F7: variants seen among roughly 807,000 people sequenced by gnomAD.
F7 encodes coagulation factor VII.
Under a neutral mutation model 47.5 loss-of-function variants are expected in F7, and 38 were observed. The ratio of observed to expected loss-of-function variants is 0.80; its 90% CI spans 0.62 to 1.05. The LOEUF is 1.05. Among genes scored for constraint, F7 ranks in the 50% least tolerant of loss-of-function variants. F7 has a pLI of 0.00. For missense variants in F7, 575 were observed against 605.4 expected, an observed-to-expected ratio of 0.95 and a Z score of 0.53; for synonymous variants, 244 against 258.5, an observed-to-expected ratio of 0.94 and a Z score of 0.54.
chr13:113,116,787 T>C lies in F7; in HGVS notation c.527T>C (p.Ile176Thr), dbSNP rs762621913. The C allele has an allele frequency of 1.2e-6, 2 of 1,613,790 alleles. No homozygotes were observed. Among genetic ancestry groups the C allele is most frequent in the South Asian group, 2.2e-5 (2 of 91,080 alleles). Reference sequence around the variant, plus strand: ...ACAGTTGAATATCCATGTGGAAAAATACCTATTCTAGAAAAAAGAAATGCC... The same window carrying C: ...ACAGTTGAATATCCATGTGGAAAAACACCTATTCTAGAAAAAAGAAATGCC... ...TPTVEYPCGK[I>T]PILEKRNASK... is the part of the protein sequence containing the mutation. Residue 176 changes from isoleucine to threonine, a missense_variant, in exon 6 of 8, where the codon ATA becomes ACA. Ile to Thr is a moderately conservative substitution (Grantham distance 89, BLOSUM62 -1). Coordinates refer to ENST00000346342, the MANE Select transcript of F7 (RefSeq NM_019616.4).
chr13:113,115,639 G>A (rs1160335558), intron 4 of F7, 21 bp from the exon 5 acceptor site: 1 of 1,611,204 alleles, frequency 6.2e-7, no homozygotes, highest in African/African-American at 1.3e-5. Context: ...CCCTCTCAGG[G>A]TGTCCCCTTC....
Position 113,119,211 on chromosome 13 carries a change from CTCAAAGAGACTCCAAGAT to C in F7, c.*215_*232del. On this transcript the variant is annotated 3_prime_UTR_variant, in exon 8 of 8. Transcript: ENST00000346342. Reference sequence around the variant, plus strand: ...GAGACTCTGAGGACATGGAGAGAGACTCAAAGAGACTCCAAGATTCAAAGAGACTAATAGAGACACAGA... The same window carrying C: ...GAGACTCTGAGGACATGGAGAGAGACTCAAAGAGACTAATAGAGACACAGA... The C allele has an allele frequency of 1.7e-6, 1 of 600,246 alleles. No individual in the cohort carries two copies. Among genetic ancestry groups the C allele is most frequent in the Non-Finnish European group, 3.0e-6 (1 of 338,880 alleles). 37.2% of individuals were successfully genotyped at this position (600,246 alleles called of 1,614,324 possible).
rs764010176 is a variant in F7, at chr13:113,106,877, C to T, written c.64+972C>T. The T allele has an allele frequency of 1.3e-5, 21 of 1,606,634 alleles. No homozygotes were observed. Among genetic ancestry groups the T allele is most frequent in the African/African-American group, 6.7e-5 (5 of 74,740 alleles). ...CGCTAAGGCCTCAGGAGGAGAAACA[C>T]GGGACATGCCGTGGAAGCCGGGGCC... On this transcript the variant is annotated intron_variant, in intron 1 of 7. Transcript: ENST00000346342.
intron 5 of F7, 39 bp from the exon 6 acceptor site, chr13:113,116,727 C>T: frequency 6.8e-7 from 1 of 1,476,534 alleles, no homozygotes; most frequent in Middle Eastern, 1.7e-4. Flanking sequence ...GTTCATCCCT[C>T]ACAAATCTCT....
chr13:113,109,257 T>TG (rs917323856), intron 1 of F7, among the ~76,000 whole-genome samples: 1 of 150,158 alleles, frequency 6.7e-6, no homozygotes, highest in Non-Finnish European at 1.5e-5. Flanking sequence ...GGGTCGTGGG[T>TG]GTCCCGGGAG....
At chr13:113,114,689 T>G (rs2036163203) in intron 4 of F7, 1 of 154,524 alleles carries the variant, frequency 6.5e-6, no homozygotes. Flanking sequence ...CTGACCTCAG[T>G]CTCAGCCCCT....
rs975129039 is a variant in F7 at position 113,119,172 on chromosome 13, G to C, written c.*164G>C. ...AGAAACAGAGAGAGACAGAGACAGA[G>C]AGAGACTGAGGGAGAGACTCTGAGG... On this transcript the variant is annotated 3_prime_UTR_variant, in exon 8 of 8. Coordinates refer to ENST00000346342, the MANE Select transcript of F7 (RefSeq NM_019616.4). 13 of 673,380 alleles carry C rather than the reference G, an allele frequency of 1.9e-5. No individual in the cohort carries two copies. Among genetic ancestry groups the C allele is most frequent in the East Asian group, 2.7e-5 (1 of 36,684 alleles). The allele number at this position is 673,380 out of a possible 1,614,324, so 41.7% of individuals were successfully genotyped here.
chr13:113,119,087 C>A lies in F7; in HGVS notation c.*79C>A. The A allele has an allele frequency of 1.8e-6, 2 of 1,134,466 alleles. No individual in the cohort carries two copies. The highest frequency in any genetic ancestry group is 2.5e-6 in the Non-Finnish European group (2 of 799,852). The allele number at this position is 1,134,466 out of a possible 1,614,324, so 70.3% of individuals were successfully genotyped here. ...GCACCAAATCCCATATATTCTTCTG[C>A]AGTTAATGGGGTAGAGGAGGGCATG... is the stretch of plus-strand genomic sequence containing the variant. On this transcript the variant is annotated 3_prime_UTR_variant, in exon 8 of 8. Coordinates refer to ENST00000346342, the MANE Select transcript of F7 (RefSeq NM_019616.4).
chr13:113,106,108 G>A (rs1487551525), intron 1 of F7, among the ~76,000 whole-genome samples: 1 of 150,396 alleles, frequency 6.6e-6, no homozygotes, highest in Non-Finnish European at 1.5e-5. Context: ...GGTGGCCCAG[G>A]CTTTGGCGGG....
intron 1 of F7, among the ~76,000 whole-genome samples, chr13:113,107,095 G>A (rs576746384): frequency 2.6e-5 from 4 of 152,102 alleles, no homozygotes; most frequent in Admixed American, 1.3e-4. Context: ...GGGTGCAGGC[G>A]ATTTTATCTT....
At position 113,110,836 on chromosome 13, in the gene F7, G is replaced by A; in HGVS notation, c.211G>A (p.Asp71Asn). The change falls in exon 2 of 8, where the codon GAC (aspartate) becomes AAC (asparagine). Residue 71 changes from aspartate to asparagine, a missense_variant. Coordinates refer to ENST00000346342, the MANE Select transcript of F7 (RefSeq NM_019616.4). ...CGAGGAGGCCCGGGAGATCTTCAAG[G>A]ACGCGGAGAGGACGGTGAGCCCAGC... ...SFEEAREIFKDAERTKLFWIS... is the reference protein window; with the variant it reads ...SFEEAREIFKNAERTKLFWIS... 6.4e-7 allele frequency: 1 copy of A among 1,561,064 alleles called. No individual in the cohort carries two copies. Among genetic ancestry groups the A allele is most frequent in the Non-Finnish European group, 8.7e-7 (1 of 1,153,322 alleles).
At chr13:113,107,954 G>A (rs1392965347) in intron 1 of F7, among the ~76,000 whole-genome samples, 3 of 78,912 alleles carry the variant, frequency 3.8e-5, no homozygotes, top group Admixed American at 1.3e-4. Context: ...GTGTCCCGGG[G>A]GCGTGGGTGT....
At chr13:113,116,720 C>A in intron 5 of F7, 46 bp from the exon 6 acceptor site, 2 of 1,402,430 alleles carry the variant, frequency 1.4e-6, no homozygotes, top group South Asian at 1.2e-5. Context: ...GTGGCACGTT[C>A]ATCCCTCACA....
At chr13:113,106,278 C>T (rs528907277) in intron 1 of F7, among the ~76,000 whole-genome samples, 1 of 65,616 alleles carries the variant, frequency 1.5e-5, no homozygotes, top group Non-Finnish European at 2.9e-5. Flanking sequence ...GGGGACGGTG[C>T]GTGGGGGATG....
rs2036133299 is a variant in F7 at position 113,113,043 on chromosome 13, T to C, written c.226-709T>C. On this transcript the variant is annotated intron_variant, in intron 2 of 7. Transcript: ENST00000346342. This position sits in a 1 kb window ranked among gnomAD's most constrained non-coding sequence, Gnocchi z 4.1. ...GACACCTCCCTCTCACAGGTCACCT[T>C]ACACTCATCTCACACTCACAGGTCG... Among the ~76,000 whole-genome samples, 1 of 149,110 alleles carries C rather than the reference T, an allele frequency of 6.7e-6. No homozygotes were observed. The highest frequency in any genetic ancestry group is 2.5e-5 in the African/African-American group (1 of 39,580).
chr13:113,107,008 T>G, intron 1 of F7: 1 of 1,350,200 alleles, frequency 7.4e-7, no homozygotes. Flanking sequence ...GCGGGGTGGC[T>G]ACTGCAGTGC....
In F7 at chr13:113,118,808, A is replaced by G. The variant is rs748979195; in HGVS notation, c.1135A>G (p.Lys379Glu). The G allele has an allele frequency of 6.2e-7, 1 of 1,613,142 alleles. No individual in the cohort carries two copies. Among genetic ancestry groups the G allele is most frequent in the Non-Finnish European group, 8.5e-7 (1 of 1,179,996 alleles). The change falls in exon 8 of 8, where the codon AAG (lysine) becomes GAG (glutamate). Residue 379 changes from lysine to glutamate, a missense_variant. Transcript: ENST00000346342. ...CTCGGATGGCAGCAAGGACTCCTGC[A>G]AGGGGGACAGTGGAGGCCCACATGC... is the stretch of plus-strand genomic sequence containing the variant. ...GYSDGSKDSC[K>E]GDSGGPHATH...
chr13:113,120,224 A>G lies in F7; in HGVS notation c.*1216A>G, dbSNP rs1392395031. 6.6e-6 allele frequency: 1 copy of G among 152,250 alleles called. No individual in the cohort carries two copies. Among genetic ancestry groups the G allele is most frequent in the Non-Finnish European group, 1.5e-5 (1 of 68,054 alleles). The allele number at this position is 152,250 out of a possible 1,614,324, so 9.4% of individuals were successfully genotyped here. On this transcript the variant is annotated 3_prime_UTR_variant, in exon 8 of 8. Coordinates refer to ENST00000346342, the MANE Select transcript of F7 (RefSeq NM_019616.4). Reference sequence around the variant, plus strand: ...TGGAATTGGATGTTCTCTCCCTGCCACAGCCCTTGTCAATGATATTTCACA... The same window carrying G: ...TGGAATTGGATGTTCTCTCCCTGCCGCAGCCCTTGTCAATGATATTTCACA...
chr13:113,111,105 G>A (rs1347862136), intron 2 of F7, among the ~76,000 whole-genome samples: 3 of 152,218 alleles, frequency 2.0e-5, no homozygotes, highest in East Asian at 3.9e-4. Context: ...CAGAAAATAC[G>A]ATTTGCAAAG....
Sources: allele counts gnomAD v4.1 joint callset (sites outside exome capture counted in the v4.1 genomes callset), GRCh38; gene constraint gnomAD v4.1.1; non-coding constraint Gnocchi (gnomAD v3.1); transcripts MANE v1.5; gene names NCBI Gene and HGNC (gene_info 2026-07-23, HGNC 2026-07-21).